Variants in SYK observed in about 807,000 individuals in gnomAD.
The protein encoded by SYK is tyrosine-protein kinase SYK.
Under a neutral mutation model 77.8 loss-of-function variants are expected in SYK, and 16 were observed. That is an observed-to-expected ratio of 0.21 (90% CI 0.14 to 0.31). The LOEUF is 0.31. Among genes scored for constraint, SYK ranks in the 10% least tolerant of loss-of-function variants. The pLI is 1.00. For missense variants in SYK, 529 were observed against 814.4 expected, an observed-to-expected ratio of 0.65 and a Z score of 4.26; for synonymous variants, 312 against 308.7, an observed-to-expected ratio of 1.01 and a Z score of -0.11.
intron 4 of SYK, among the ~76,000 whole-genome samples, 169 bp downstream of exon 4, chr9:90,862,513 C>T (rs891605797): frequency 6.6e-6 from 1 of 152,196 alleles, no homozygotes. Flanking sequence ...TGGACCACAC[C>T]TGGGCTCCTG....
chr9:90,805,313 G>A (rs1390918636), intron 1 of SYK, among the ~76,000 whole-genome samples: 1 of 152,242 alleles, frequency 6.6e-6, no homozygotes, highest in Admixed American at 6.5e-5. Context: ...GAGCTGGAGA[G>A]GCGCTTCCAG....
At chr9:90,842,624 A>G (rs112827704) in intron 1 of SYK, among the ~76,000 whole-genome samples, 48,327 of 148,522 alleles carry the variant, frequency 0.33, 7,779 homozygotes, top group South Asian at 0.39. Flanking sequence ...TGTGTGTGGT[A>G]TGTATGTAGT....
chr9:90,887,711 T>A, intron 11 of SYK, 38 bp from the exon 12 acceptor site: 1 of 1,574,106 alleles, frequency 6.4e-7, no homozygotes, highest in Non-Finnish European at 8.7e-7. Context: ...CCCACAATTT[T>A]ATTCTTAATG....
chr9:90,890,202 C>T lies in SYK; in HGVS notation c.1835+1575C>T, dbSNP rs76194375. ...CAGGGTGCGCAGCCAGGGGCACCAC[C>T]TCCCACTTGGCTCCCAGGTGGGTGC... On this transcript the variant is annotated intron_variant, in intron 13 of 13. Transcript: ENST00000375754. Among the ~76,000 whole-genome samples, 32 of 152,336 alleles carry T rather than the reference C, an allele frequency of 2.1e-4. No individual in the cohort carries two copies. In the East Asian group the frequency reaches 5.4e-3, roughly 26 times the overall value.
chr9:90,884,767 G>GTACATATA (rs1491500830), intron 11 of SYK, among the ~76,000 whole-genome samples: 2 of 15,150 alleles, frequency 1.3e-4, no homozygotes, highest in African/African-American at 9.3e-4. Flanking sequence ...ATGTGTACAT[G>GTACATATA]CACATATACA....
chr9:90,826,309 T>C (rs529487273), intron 1 of SYK, among the ~76,000 whole-genome samples: 42 of 152,384 alleles, frequency 2.8e-4, no homozygotes, highest in Admixed American at 1.2e-3. Flanking sequence ...GTATCTACCA[T>C]TAGGGATGTT....
rs139524127 is a variant in SYK, at chr9:90,815,402, C to T, written c.-42+13509C>T. Reference sequence around the variant, plus strand: ...GGCTCCAACCTTGCCTCACTCCAGGCGCTGGGGCAGAGATGTGTGGTTGGC... The same window carrying T: ...GGCTCCAACCTTGCCTCACTCCAGGTGCTGGGGCAGAGATGTGTGGTTGGC... On this transcript the variant is annotated intron_variant, in intron 1 of 13. Transcript: ENST00000375754. 3.9e-5 allele frequency among the ~76,000 whole-genome samples: 6 copies of T among 152,306 alleles called. No individual in the cohort carries two copies. In the East Asian group the frequency reaches 7.7e-4, roughly 20 times the overall value.
rs181521700 is a variant in SYK at position 90,850,455 on chromosome 9, G to T, written c.578+4861G>T. On this transcript the variant is annotated intron_variant, in intron 3 of 13. Coordinates refer to ENST00000375754, the MANE Select transcript of SYK (RefSeq NM_003177.7). Reference sequence around the variant, plus strand: ...CTCTTGAACCCAGGAGGCGGAGGTTGCAGTGAGCCAAGATTGTGCCACTGC... The same window carrying T: ...CTCTTGAACCCAGGAGGCGGAGGTTTCAGTGAGCCAAGATTGTGCCACTGC... 3.6e-3 allele frequency among the ~76,000 whole-genome samples: 551 copies of T among 152,242 alleles called. 6 individuals carry two copies. Among genetic ancestry groups the T allele is most frequent in the African/African-American group, 0.012 (517 of 41,534 alleles).
At chr9:90,839,507 C>G (rs1412824397) in intron 1 of SYK, among the ~76,000 whole-genome samples, 1 of 152,150 alleles carries the variant, frequency 6.6e-6, no homozygotes, top group Non-Finnish European at 1.5e-5. Flanking sequence ...CAAGACCCGA[C>G]CACAGCCTGT....
intron 11 of SYK, among the ~76,000 whole-genome samples, chr9:90,880,390 A>G (rs1162900874): frequency 1.3e-5 from 2 of 152,204 alleles, no homozygotes; most frequent in African/African-American, 4.8e-5. Flanking sequence ...TTCTTCATAC[A>G]GTAGCTTCCC....
intron 10 of SYK, among the ~76,000 whole-genome samples, chr9:90,878,093 C>T (rs1418880656): frequency 6.6e-6 from 1 of 152,212 alleles, no homozygotes; most frequent in South Asian, 2.1e-4. Flanking sequence ...TCCTTTCTCA[C>T]TGGGAAGAAC....
In SYK at chr9:90,844,256, T is replaced by C; in HGVS notation, c.358T>C (p.Phe120Leu). Residue 120 changes from phenylalanine (F) to leucine (L), a missense_variant, in exon 2 of 14, where the codon TTT (phenylalanine) becomes CTT (leucine). Physicochemically the swap from Phe to Leu is conservative, Grantham distance 22. Coordinates refer to ENST00000375754, the MANE Select transcript of SYK (RefSeq NM_003177.7). Reference protein sequence around the residue: ...PQGVQPKTGPFEDLKENLIRE... With the variant: ...PQGVQPKTGPLEDLKENLIRE... Reference sequence around the variant, plus strand: ...AGGGGTGCAGCCCAAGACTGGGCCCTTTGAGGATTTGAAGGAAAACCTCAT... The same window carrying C: ...AGGGGTGCAGCCCAAGACTGGGCCCCTTGAGGATTTGAAGGAAAACCTCAT... 1 of 1,613,728 alleles carries C rather than the reference T, an allele frequency of 6.2e-7. No individual in the cohort carries two copies. Among genetic ancestry groups the C allele is most frequent in the Non-Finnish European group, 8.5e-7 (1 of 1,179,850 alleles).
At position 90,843,837 on chromosome 9, in the gene SYK, CTCTG is replaced by C. The variant is rs1826465050; in HGVS notation, c.-41-17_-41-14del. On this transcript the variant is annotated splice_polypyrimidine_tract_variant and intron_variant, in intron 1 of 13. Coordinates refer to ENST00000375754, the MANE Select transcript of SYK (RefSeq NM_003177.7). ...GCCACGTGGGGTCCTCACCAAAGTT[CTCTG>C]TCTCTGTCTTGCCCAGGTGGACACC... 2.1e-6 allele frequency: 3 copies of C among 1,413,164 alleles called. No homozygotes were observed. Among genetic ancestry groups the C allele is most frequent in the African/African-American group, 2.9e-5 (2 of 68,946 alleles). The allele number at this position is 1,413,164 out of a possible 1,614,324, so 87.5% of individuals were successfully genotyped here.
intron 11 of SYK, among the ~76,000 whole-genome samples, chr9:90,880,355 G>A (rs772523797): frequency 2.8e-4 from 42 of 152,182 alleles, no homozygotes; most frequent in Non-Finnish European, 3.8e-4. Context: ...GTACAGCAGG[G>A]GTCAGGCTGG....
chr9:90,851,787 T>G (rs1340801044), intron 3 of SYK, among the ~76,000 whole-genome samples: 3 of 152,188 alleles, frequency 2.0e-5, no homozygotes, highest in Admixed American at 2.0e-4. Context: ...TTATAAAAAT[T>G]ATATATCCCT....
chr9:90,884,153 G>GTGTA (rs1564119732), intron 11 of SYK, among the ~76,000 whole-genome samples: 6 of 100,760 alleles, frequency 6.0e-5, no homozygotes, highest in Admixed American at 9.2e-5. Context: ...ATGTGTGTGT[G>GTGTA]TATATATACA....
intron 6 of SYK, 133 bp from the exon 7 acceptor site, chr9:90,866,998 G>A (rs955207699): frequency 3.7e-5 from 32 of 874,912 alleles, no homozygotes; most frequent in Admixed American, 5.9e-5. Context: ...GCCCGTGGTC[G>A]ATCTCATTGG....
At chr9:90,826,062 G>T (rs1047605682) in intron 1 of SYK, among the ~76,000 whole-genome samples, 1 of 152,160 alleles carries the variant, frequency 6.6e-6, no homozygotes, top group Non-Finnish European at 1.5e-5. Context: ...GTCCAGAGAC[G>T]CACATTGAGA....
intron 9 of SYK, 122 bp from the exon 10 acceptor site, chr9:90,877,449 C>T: frequency 9.1e-7 from 1 of 1,096,532 alleles, no homozygotes; most frequent in Non-Finnish European, 1.3e-6. Context: ...AGACACATTG[C>T]CACTCTGTGG....
Sources: gnomAD v4.1 joint callset for allele counts (sites outside exome capture counted in the v4.1 genomes callset) on GRCh38, gnomAD v4.1.1 for gene constraint, MANE v1.5 for transcripts, NCBI Gene and HGNC (gene_info 2026-07-23, HGNC 2026-07-21) for gene names.